FSTL5: variants seen among roughly 807,000 people sequenced by gnomAD.
FSTL5 encodes follistatin like 5.
In FSTL5, 62 loss-of-function variants were observed where a neutral mutation model predicts 89.1. The ratio of observed to expected loss-of-function variants is 0.70; its 90% CI spans 0.57 to 0.86. The LOEUF is 0.86. Ranked by LOEUF, FSTL5 falls within the 40% of genes least tolerant of loss-of-function variation. The pLI, the probability that FSTL5 is intolerant of heterozygous loss-of-function variation, is 0.00. For missense variants in FSTL5, 1,057 were observed against 1,001.6 expected, an observed-to-expected ratio of 1.06 and a Z score of -0.75; for synonymous variants, 383 against 346.2, an observed-to-expected ratio of 1.11 and a Z score of -1.18.
At chr4:161,505,922 AATTGC>A (rs1181921749) in intron 11 of FSTL5, among the ~76,000 whole-genome samples, 14 of 152,284 alleles carry the variant, frequency 9.2e-5, no homozygotes, top group African/African-American at 3.4e-4. Flanking sequence ...GATTTAATTT[AATTGC>A]ATCACGTACT....
intron 2 of FSTL5, among the ~76,000 whole-genome samples, chr4:162,107,536 G>C (rs1579033472): frequency 6.6e-6 from 1 of 151,988 alleles, no homozygotes; most frequent in African/African-American, 2.4e-5. Flanking sequence ...ACAGATTTTG[G>C]GTCACAGACC....
At chr4:162,079,698 T>C (rs192614499) in intron 2 of FSTL5, among the ~76,000 whole-genome samples, 1 of 151,276 alleles carries the variant, frequency 6.6e-6, no homozygotes, top group African/African-American at 2.4e-5. Flanking sequence ...AGTCTTATAA[T>C]GAGAATAGGA....
At chr4:162,158,151 C>G (rs1249614468) in intron 1 of FSTL5, among the ~76,000 whole-genome samples, 1 of 151,980 alleles carries the variant, frequency 6.6e-6, no homozygotes, top group East Asian at 1.9e-4. Flanking sequence ...ATGCTGATTG[C>G]TTGAAATGGT....
At chr4:161,431,347 T>A (rs189258345) in intron 15 of FSTL5, among the ~76,000 whole-genome samples, 1 of 152,068 alleles carries the variant, frequency 6.6e-6, no homozygotes, top group Non-Finnish European at 1.5e-5. Context: ...GTTTTCTCTA[T>A]GATTGTTAGT....
At chr4:161,838,676 G>A (rs182442926) in intron 4 of FSTL5, among the ~76,000 whole-genome samples, 50 of 152,208 alleles carry the variant, frequency 3.3e-4, no homozygotes, top group Admixed American at 1.8e-3. Context: ...TTTGAAACTA[G>A]TGTTACCTAT....
chr4:161,736,994 G>GTAGATTGCCACA (rs939415770), intron 6 of FSTL5, among the ~76,000 whole-genome samples: 1 of 152,056 alleles, frequency 6.6e-6, no homozygotes, highest in African/African-American at 2.4e-5. Flanking sequence ...CACATGTTGA[G>GTAGATTGCCACA]TGAGGATTAA....
intron 3 of FSTL5, among the ~76,000 whole-genome samples, chr4:161,937,782 C>A (rs1309391625): frequency 6.6e-6 from 1 of 152,142 alleles, no homozygotes; most frequent in Non-Finnish European, 1.5e-5. Flanking sequence ...TAAGCAATGG[C>A]AAACTTAGAA....
intron 11 of FSTL5, among the ~76,000 whole-genome samples, chr4:161,505,637 T>G (rs538598075): frequency 1.5e-3 from 232 of 152,344 alleles, no homozygotes; most frequent in Non-Finnish European, 2.4e-3. Flanking sequence ...AATATTTGTT[T>G]TCATAATAAA....
intron 4 of FSTL5, among the ~76,000 whole-genome samples, chr4:161,823,026 T>C (rs1427777025): frequency 6.6e-6 from 1 of 152,174 alleles, no homozygotes; most frequent in Non-Finnish European, 1.5e-5. Flanking sequence ...GTAGCTCCTT[T>C]CCACAGCTGG....
chr4:161,565,228 A>G (rs2126576862), intron 8 of FSTL5, among the ~76,000 whole-genome samples: 1 of 151,624 alleles, frequency 6.6e-6, no homozygotes, highest in Admixed American at 6.6e-5. Flanking sequence ...CTTGCCTATC[A>G]TCATCATCAT....
chr4:161,997,585 A>C (rs73861010), intron 3 of FSTL5, among the ~76,000 whole-genome samples: 23 of 148,938 alleles, frequency 1.5e-4, no homozygotes, highest in African/African-American at 5.4e-4. Flanking sequence ...CATGTGCATA[A>C]GTGTATACAT....
intron 5 of FSTL5, among the ~76,000 whole-genome samples, chr4:161,762,078 T>G (rs138982082): frequency 1.3e-5 from 2 of 152,332 alleles, no homozygotes; most frequent in East Asian, 3.9e-4. Context: ...ATATTTAATG[T>G]AGAATGTTTT....
intron 4 of FSTL5, among the ~76,000 whole-genome samples, chr4:161,890,218 G>C (rs1328643539): frequency 6.6e-6 from 1 of 152,060 alleles, no homozygotes; most frequent in African/African-American, 2.4e-5. Flanking sequence ...TAATTTGCTT[G>C]GTTGGCACCT....
At chr4:161,657,886 A>C (rs1736572269) in intron 6 of FSTL5, among the ~76,000 whole-genome samples, 1 of 152,124 alleles carries the variant, frequency 6.6e-6, no homozygotes, top group Non-Finnish European at 1.5e-5. Context: ...TCACACTCCT[A>C]TTCTGTTATG....
intron 4 of FSTL5, among the ~76,000 whole-genome samples, chr4:161,802,166 G>GA (rs1200048287): frequency 6.6e-6 from 1 of 151,666 alleles, no homozygotes; most frequent in Non-Finnish European, 1.5e-5. Flanking sequence ...ACCTGAAGAT[G>GA]AAACCACATC....
chr4:161,690,769 C>T (rs978628318), intron 6 of FSTL5, among the ~76,000 whole-genome samples: 14 of 152,000 alleles, frequency 9.2e-5, no homozygotes, highest in African/African-American at 2.9e-4. Context: ...TAACCTAGTA[C>T]CCATTAGTCA....
chr4:161,604,441 G>T (rs1175404085), intron 7 of FSTL5, among the ~76,000 whole-genome samples: 2 of 152,122 alleles, frequency 1.3e-5, no homozygotes, highest in Non-Finnish European at 2.9e-5. Context: ...ATAATGGAAA[G>T]TTATATACTA....
At chr4:161,695,807 G>T (rs187618011) in intron 6 of FSTL5, among the ~76,000 whole-genome samples, 4 of 151,672 alleles carry the variant, frequency 2.6e-5, no homozygotes, top group Admixed American at 6.6e-5. Flanking sequence ...CTTTTCGATG[G>T]GATTTTTTTT....
rs75201566 is a variant in FSTL5 at position 161,568,113 on chromosome 4, T to C, written c.1015+19342A>G. Among the ~76,000 whole-genome samples, 1,504 of 151,744 alleles carry C rather than the reference T, an allele frequency of 9.9e-3. 25 individuals carry two copies. Among genetic ancestry groups the C allele is most frequent in the African/African-American group, 0.034 (1,418 of 41,370 alleles). Reference sequence around the variant, plus strand: ...CCAGCGACGCCCATGACTTGGCAAATTTTGGAGTCCATATTTGCCATATAT... The same window carrying C: ...CCAGCGACGCCCATGACTTGGCAAACTTTGGAGTCCATATTTGCCATATAT... On this transcript the variant is annotated intron_variant, in intron 8 of 15. Transcript: ENST00000306100.
Sources: gnomAD v4.1 joint callset for allele counts (sites outside exome capture counted in the v4.1 genomes callset) on GRCh38, gnomAD v4.1.1 for gene constraint, MANE v1.5 for transcripts, NCBI Gene and HGNC (gene_info 2026-07-23, HGNC 2026-07-21) for gene names.